Variants in EXOSC10 observed in about 807,000 individuals in gnomAD.
The protein encoded by EXOSC10 is exosome complex component 10.
EXOSC10 carries 94 observed loss-of-function variants against 126.6 expected under a neutral mutation model. The observed-to-expected ratio is 0.74, with a 90% CI of 0.63 to 0.88. EXOSC10 has a LOEUF of 0.88. Ranked by LOEUF, EXOSC10 falls within the 40% of genes least tolerant of loss-of-function variation. The probability of loss-of-function intolerance (pLI) is 0.00; values close to 1 mark genes in which losing one functional copy is unlikely to be tolerated. For missense variants in EXOSC10, 1,041 were observed against 1,100.5 expected (o/e 0.95, Z 0.77); for synonymous variants, 395 against 400.8 (o/e 0.99, Z 0.17).
At chr1:11,074,191 C>G (rs1639686135) in intron 18 of EXOSC10, 40 bp downstream of exon 18, 9 of 1,517,544 alleles carry the variant, frequency 5.9e-6, no homozygotes, top group Non-Finnish European at 8.2e-6. Context: ...CTGTAGGCAT[C>G]TCTGCATATC....
chr1:11,088,734 T>A (rs1640635825), intron 6 of EXOSC10, among the ~76,000 whole-genome samples: 1 of 152,222 alleles, frequency 6.6e-6, no homozygotes, highest in South Asian at 2.1e-4. Flanking sequence ...GGCCTCACAT[T>A]GCAGAGCTGG....
rs1557706823 is a variant in EXOSC10 at position 11,082,712 on chromosome 1, T to C, written c.1256A>G (p.Tyr419Cys). 1 of 1,614,216 alleles carries C rather than the reference T, an allele frequency of 6.2e-7. No homozygotes were observed. Among genetic ancestry groups the C allele is most frequent in the Non-Finnish European group, 8.5e-7 (1 of 1,180,036 alleles). Reference sequence around the variant, plus strand: ...CCGTATTCTCCAATCAGCCAGCTGATATTGCTTGTTTGAGTCCACGTTGCA... The same window carrying C: ...CCGTATTCTCCAATCAGCCAGCTGACATTGCTTGTTTGAGTCCACGTTGCA... ...LYCNVDSNKQ[Y>C]QLADWRIRPL... Residue 419 changes from tyrosine to cysteine, a missense_variant, in exon 10 of 25, where the codon TAT (tyrosine) becomes TGT (cysteine). By Grantham distance (194) the Tyr-to-Cys change is radical. Coordinates refer to ENST00000376936, the MANE Select transcript of EXOSC10 (RefSeq NM_001001998.3).
chr1:11,067,438 G>GAAA (rs34154272), intron 24 of EXOSC10, among the ~76,000 whole-genome samples: 6 of 129,610 alleles, frequency 4.6e-5, no homozygotes, highest in East Asian at 2.3e-4. Context: ...TCTCAAAGAA[G>GAAA]AAAAAAAAAA....
intron 9 of EXOSC10, among the ~76,000 whole-genome samples, chr1:11,087,166 T>C (rs1182670731): frequency 6.6e-6 from 1 of 152,238 alleles, no homozygotes; most frequent in Non-Finnish European, 1.5e-5. Context: ...GCAGCTCTAG[T>C]AGCTTCAGTA....
chr1:11,081,495 G>A (rs1640165832), intron 10 of EXOSC10, among the ~76,000 whole-genome samples: 1 of 152,204 alleles, frequency 6.6e-6, no homozygotes, highest in Non-Finnish European at 1.5e-5. Context: ...CACACAAGAG[G>A]CAGTAGAAAA....
At chr1:11,071,323 T>A (rs1001699875) in intron 20 of EXOSC10, 5 of 278,994 alleles carry the variant, frequency 1.8e-5, no homozygotes, top group African/African-American at 1.1e-4. Context: ...TGCCAGCAAC[T>A]CCAGCTTTCC....
At chr1:11,079,657 G>A (rs1640033231) in intron 14 of EXOSC10, 54 bp downstream of exon 14, 1 of 1,457,330 alleles carries the variant, frequency 6.9e-7, no homozygotes, top group African/African-American at 1.4e-5. Context: ...GCCTCCCAAA[G>A]TGCTGAGATT....
Position 11,098,108 on chromosome 1 carries a change from G to T in EXOSC10, c.160C>A (p.Pro54Thr). 2.5e-6 allele frequency: 4 copies of T among 1,613,084 alleles called. No homozygotes were observed. The highest frequency in any genetic ancestry group is 3.4e-6 in the Non-Finnish European group (4 of 1,179,742). The change falls in exon 2 of 25, where the codon CCA becomes ACA. Residue 54 changes from proline (P) to threonine (T), a missense_variant. Coordinates refer to ENST00000376936, the MANE Select transcript of EXOSC10 (RefSeq NM_001001998.3). ...VAVTKASGGL[P>T]QFGDEYDFYR... Reference sequence around the variant, plus strand: ...AAATCATACTCATCGCCAAACTGTGGTAGGCCCCCAGATGCCTTGGTGACT... The same window carrying T: ...AAATCATACTCATCGCCAAACTGTGTTAGGCCCCCAGATGCCTTGGTGACT...
intron 15 of EXOSC10, 61 bp from the exon 16 acceptor site, chr1:11,077,504 G>A: frequency 6.2e-7 from 1 of 1,600,290 alleles, no homozygotes; most frequent in Non-Finnish European, 8.6e-7. Context: ...GTAGCTTTCT[G>A]CCAGCTGTCA....
In EXOSC10 at chr1:11,079,819, T is replaced by G. The variant is rs751467688; in HGVS notation, c.1641A>C (p.Glu547Asp). 14 of 1,610,836 alleles carry G rather than the reference T, an allele frequency of 8.7e-6. No individual in the cohort carries two copies. The East Asian group carries it at 3.1e-4, about 36-fold the overall frequency. Residue 547 changes from glutamate to aspartate, a missense_variant, in exon 14 of 25, where the codon GAA becomes GAC. Physicochemically the swap from Glu to Asp is conservative, Grantham distance 45. This residue lies in a region of EXOSC10 where 388 missense variants were observed against 415.2 expected (regional missense o/e 0.93). Coordinates refer to ENST00000376936, the MANE Select transcript of EXOSC10 (RefSeq NM_001001998.3). Reference protein sequence around the residue: ...MLKIAEELPKEPQGIIACCNP... With the variant: ...MLKIAEELPKDPQGIIACCNP... The stretch of plus-strand genomic sequence containing the variant: ...TGCAGCAAGCTATGATGCCCTGAGG[T>G]TCCCTGAAGACAAGTAAGAACACAC...
rs562027167 is a variant in EXOSC10 at position 11,069,340 on chromosome 1, A to C, written c.2488+219T>G. On this transcript the variant is annotated intron_variant, in intron 22 of 24. Coordinates refer to ENST00000376936, the MANE Select transcript of EXOSC10 (RefSeq NM_001001998.3). ...TGACAGGTGATCTTGCTAACCCACC[A>C]TGGAGGCCACCATGAGTTGAGCTCC... Among the ~76,000 whole-genome samples, 8 of 152,128 alleles carry C rather than the reference A, an allele frequency of 5.3e-5. No individual in the cohort carries two copies. In the East Asian group the frequency reaches 1.5e-3, roughly 29 times the overall value.
At chr1:11,081,697 G>A (rs12128681) in intron 10 of EXOSC10, among the ~76,000 whole-genome samples, 11,017 of 152,298 alleles carry the variant, frequency 0.072, 625 homozygotes, top group East Asian at 0.15. Flanking sequence ...TAAGGGCTCC[G>A]TAACAGGGAG....
At chr1:11,090,965 G>A in intron 5 of EXOSC10, 49 bp downstream of exon 5, 3 of 1,578,764 alleles carry the variant, frequency 1.9e-6, no homozygotes, top group Non-Finnish European at 2.6e-6. Flanking sequence ...CCTGGTTTTT[G>A]CATCAAATAA....
rs754610540 is a variant in EXOSC10 at position 11,080,716 on chromosome 1, A to G, written c.1586+48T>C. ...AAGCCCATTATTTACTTGTTATTAG[A>G]TCTCCTCAGTCTGGAAACAAGTATT... On this transcript the variant is annotated intron_variant, in intron 12 of 24. Coordinates refer to ENST00000376936, the MANE Select transcript of EXOSC10 (RefSeq NM_001001998.3). 7 of 1,608,998 alleles carry G rather than the reference A, an allele frequency of 4.4e-6. No individual in the cohort carries two copies. In the South Asian group the frequency reaches 7.8e-5, roughly 18 times the overall value.
Position 11,095,337 on chromosome 1 carries a change from T to C in EXOSC10, c.372+421A>G, listed in dbSNP as rs192604435. ...TTATTATAAGAAATGTTAAGCTTAT[T>C]TCCTTTTCATTTTCTAAGGTGCCTG... On this transcript the variant is annotated intron_variant, in intron 3 of 24. Transcript: ENST00000376936. 4.5e-3 allele frequency: 690 copies of C among 153,196 alleles called. 17 individuals carry two copies. The highest frequency in any genetic ancestry group is 0.01 in the South Asian group (51 of 4,890). 9.5% of individuals were successfully genotyped at this position (153,196 alleles called of 1,614,324 possible).
intron 3 of EXOSC10, among the ~76,000 whole-genome samples, chr1:11,093,352 T>C (rs1418703238): frequency 6.6e-6 from 1 of 152,246 alleles, no homozygotes; most frequent in Non-Finnish European, 1.5e-5. Flanking sequence ...TCATCTATTT[T>C]GCACTTTAAA....
chr1:11,068,533 G>C, intron 23 of EXOSC10, 112 bp downstream of exon 23: 1 of 833,850 alleles, frequency 1.2e-6, no homozygotes. Context: ...ATGAGGTGAG[G>C]AAAAAGATAT....
rs187374661 is a variant in EXOSC10, at chr1:11,074,036, C to T, written c.2083-28G>A. 193 of 1,607,240 alleles carry T rather than the reference C, an allele frequency of 1.2e-4. No homozygotes were observed. In the African/African-American group the frequency reaches 2.0e-3, roughly 17 times the overall value. On this transcript the variant is annotated intron_variant, in intron 18 of 24. Transcript: ENST00000376936. ...GGAGGAAGGAAATGGCTGTGTGAAA[C>T]GCTGCCGGGAACGGAATCTAGAGCC...
At position 11,098,091 on chromosome 1, in the gene EXOSC10, C is replaced by T. The variant is rs1641215983; in HGVS notation, c.177G>A (p.Glu59=). ...ASGGLPQFGD[E]YDFYRSFPGF... is the part of the protein sequence containing the mutation. ...CAGGAAAACTTCGGTAAAAATCATA[C>T]TCATCGCCAAACTGTGGTAGGCCCC... Residue 59 remains glutamate, a synonymous_variant, in exon 2 of 25, where the codon GAG becomes GAA. Transcript: ENST00000376936. The T allele has an allele frequency of 1.9e-6, 3 of 1,613,230 alleles. No homozygotes were observed. The highest frequency in any genetic ancestry group is 1.7e-4 in the Middle Eastern group (1 of 6,060).
Sources: gnomAD v4.1 joint callset for allele counts (sites outside exome capture counted in the v4.1 genomes callset) on GRCh38, gnomAD v4.1.1 for gene constraint, gnomAD v4.1.1 regional missense constraint, MANE v1.5 for transcripts, NCBI Gene and HGNC (gene_info 2026-07-23, HGNC 2026-07-21) for gene names.